KRT72: variants seen among roughly 807,000 people sequenced by gnomAD.
KRT72 encodes keratin, type II cytoskeletal 72.
A neutral mutation model predicts 44.7 loss-of-function variants in KRT72; 44 were observed. That is an observed-to-expected ratio of 0.98 (90% CI 0.77 to 1.27). The LOEUF (loss-of-function observed/expected upper bound fraction) is 1.27. KRT72 is among the 50% of genes most tolerant of loss of function. The pLI, the probability that KRT72 is intolerant of heterozygous loss-of-function variation, is 0.00. For missense variants in KRT72, 736 were observed against 667.1 expected, an observed-to-expected ratio of 1.10 and a Z score of -1.14; for synonymous variants, 302 against 280.4, an observed-to-expected ratio of 1.08 and a Z score of -0.77.
In KRT72 at chr12:52,586,895, G is replaced by A. The variant is rs370291628; in HGVS notation, c.1345+51C>T. ...TTTGTGTCATGAATTAAAGGGACTC[G>A]GACTTCTGGTAAGGTGACCAAGGGC... On this transcript the variant is annotated intron_variant, in intron 8 of 8. Coordinates refer to ENST00000293745, the MANE Select transcript of KRT72 (RefSeq NM_080747.3). 1.5e-4 allele frequency: 238 copies of A among 1,545,354 alleles called. No individual in the cohort carries two copies. The African/African-American group carries it at 2.4e-3, about 16-fold the overall frequency.
At chr12:52,591,346 G>T (rs1940010854) in intron 5 of KRT72, 118 bp downstream of exon 5, 2 of 1,112,046 alleles carry the variant, frequency 1.8e-6, no homozygotes, top group South Asian at 1.8e-5. Flanking sequence ...AGGAGGTCTT[G>T]ACTGAGCCCA....
chr12:52,590,784 C>G, intron 6 of KRT72, 52 bp downstream of exon 6: 1 of 1,513,744 alleles, frequency 6.6e-7, no homozygotes, highest in Non-Finnish European at 9.0e-7. Flanking sequence ...TCTGTCTGGC[C>G]CAGATTGTGA....
In KRT72 at chr12:52,598,971, G is replaced by C. The variant is rs1003831569; in HGVS notation, c.568C>G (p.Leu190Val). ...ISNLQKQLEM[L>V]SGDGVRLDSE... ...TCCAGCCTCACCCCGTCCCCAGACA[G>C]CATCTCCAGCTGCTTCTGCAGGTTG... The change falls in exon 2 of 9, where the codon CTG (leucine) becomes GTG (valine). Residue 190 changes from leucine (L) to valine (V), a missense_variant. Transcript: ENST00000293745. 1.2e-6 allele frequency: 2 copies of C among 1,614,090 alleles called. No individual in the cohort carries two copies. Among genetic ancestry groups the C allele is most frequent in the African/African-American group, 2.7e-5 (2 of 74,922 alleles).
chr12:52,596,318 T>A (rs1940224000), intron 2 of KRT72, among the ~76,000 whole-genome samples: 1 of 152,134 alleles, frequency 6.6e-6, no homozygotes, highest in Non-Finnish European at 1.5e-5. Flanking sequence ...AGGACTAGAA[T>A]CCTATCTCAG....
Position 52,589,037 on chromosome 12 carries a change from A to C in KRT72, c.1090-1186T>G, listed in dbSNP as rs574126800. On this transcript the variant is annotated intron_variant, in intron 6 of 8. Transcript: ENST00000293745. ...ATATATTAATTAATTAATTAATTAA[A>C]GAAGATAGCTTTGCATAACTGCAGC... Among the ~76,000 whole-genome samples the C allele has an allele frequency of 3.0e-3, 460 of 152,120 alleles. 2 individuals carry two copies. Among genetic ancestry groups the C allele is most frequent in the African/African-American group, 0.01 (430 of 41,486 alleles).
chr12:52,598,368 G>A (rs982248159), intron 2 of KRT72, among the ~76,000 whole-genome samples: 3 of 152,146 alleles, frequency 2.0e-5, no homozygotes, highest in African/African-American at 7.2e-5. Flanking sequence ...AAAATATCAG[G>A]TCACACTGAG....
At chr12:52,601,632 T>C (rs1940468888), upstream of KRT72, 2 of 612,078 alleles carry the variant, frequency 3.3e-6, no homozygotes, top group Non-Finnish European at 2.8e-6. Context: ...GAAATTACCA[T>C]GCACTCACCG....
Position 52,585,732 on chromosome 12 carries a change from T to G in KRT72, c.*250A>C. The G allele has an allele frequency of 2.2e-6, 1 of 457,390 alleles. No individual in the cohort carries two copies. The highest frequency in any genetic ancestry group is 3.7e-5 in the East Asian group (1 of 26,748). The allele number at this position is 457,390 out of a possible 1,614,324, so 28.3% of individuals were successfully genotyped here. On this transcript the variant is annotated 3_prime_UTR_variant, in exon 9 of 9. Transcript: ENST00000293745. ...GCTGGCCTTGGGGAAACATCCTGGGTAAGTGTTGTCTTTGCATTTCAGGCA... is the reference window on the plus strand; with the variant it reads ...GCTGGCCTTGGGGAAACATCCTGGGGAAGTGTTGTCTTTGCATTTCAGGCA...
At position 52,601,372 on chromosome 12, in the gene KRT72, G is replaced by T. The variant is rs567847444; in HGVS notation, c.81C>A (p.Ile27=). ...CCCGGAATGAGGCGGAGCTGCTGCC[G>T]ATCCCGCCAGAGAGGACCGCGGAGC... is the stretch of plus-strand genomic sequence containing the variant. The part of the protein sequence containing the change: ...SGCSAVLSGG[I]GSSSASFRAR... Residue 27 remains isoleucine, a synonymous_variant, in exon 1 of 9, where the codon ATC becomes ATA. Transcript: ENST00000293745. 14 of 1,543,034 alleles carry T rather than the reference G, an allele frequency of 9.1e-6. No individual in the cohort carries two copies. The East Asian group carries it at 3.2e-4, about 35-fold the overall frequency.
Position 52,598,938 on chromosome 12 carries a change from G to C in KRT72, c.601C>G (p.Leu201Val). ...TCCACCAAATCCTGCATGTTCCTCA[G>C]CTCCGAATCCAGCCTCACCCCGTCC... ...SGDGVRLDSE[L>V]RNMQDLVEDY... Residue 201 changes from leucine (L) to valine (V), a missense_variant, in exon 2 of 9, where the codon CTG becomes GTG. Leu to Val is a conservative substitution (Grantham distance 32). Transcript: ENST00000293745. 6.2e-7 allele frequency: 1 copy of C among 1,614,146 alleles called. No homozygotes were observed. Among genetic ancestry groups the C allele is most frequent in the South Asian group, 1.1e-5 (1 of 91,080 alleles).
Position 52,601,120 on chromosome 12 carries a change from G to T in KRT72, c.333C>A (p.Asn111Lys), listed in dbSNP as rs1045648129. ...TCTGGATCTCGGGGTCCATCTCCAC[G>T]TTGAGCGGGGCCAGGAGGCTCTTGT... ...TVNKSLLAPL[N>K]VEMDPEIQRV... Residue 111 changes from asparagine (N) to lysine (K), a missense_variant, in exon 1 of 9, where the codon AAC becomes AAA. By Grantham distance (94) the Asn-to-Lys change is moderately conservative. Coordinates refer to ENST00000293745, the MANE Select transcript of KRT72 (RefSeq NM_080747.3). 2 of 1,613,106 alleles carry T rather than the reference G, an allele frequency of 1.2e-6. No individual in the cohort carries two copies. Among genetic ancestry groups the T allele is most frequent in the East Asian group, 2.2e-5 (1 of 44,836 alleles).
At chr12:52,600,931 A>AC in intron 1 of KRT72, 96 bp downstream of exon 1, 1 of 1,359,484 alleles carries the variant, frequency 7.4e-7, no homozygotes. Context: ...AGAGGTTATG[A>AC]CCCGCCCACG....
At chr12:52,602,070 G>A (rs1198341522), upstream of KRT72, among the ~76,000 whole-genome samples, 1 of 152,202 alleles carries the variant, frequency 6.6e-6, no homozygotes, top group East Asian at 1.9e-4. Context: ...GCAGGACACA[G>A]AGACCTCTGG....
In KRT72 at chr12:52,591,062, G is replaced by A. The variant is rs967210563; in HGVS notation, c.964-101C>T. On this transcript the variant is annotated intron_variant, in intron 5 of 8. Coordinates refer to ENST00000293745, the MANE Select transcript of KRT72 (RefSeq NM_080747.3). ...AAAGGATCCTGCCCTAGTTCAACAA[G>A]ATCCTCAGGTTCTCAAACATGAGAG... The A allele has an allele frequency of 3.4e-6, 4 of 1,186,080 alleles. No individual in the cohort carries two copies. The African/African-American group carries it at 6.1e-5, about 18-fold the overall frequency. The allele number at this position is 1,186,080 out of a possible 1,614,324, so 73.5% of individuals were successfully genotyped here.
At position 52,586,052 on chromosome 12, in the gene KRT72, C is replaced by A. The variant is rs747718760; in HGVS notation, c.1466G>T (p.Gly489Val). 1.2e-6 allele frequency: 2 copies of A among 1,614,212 alleles called. No homozygotes were observed. The highest frequency in any genetic ancestry group is 1.7e-5 in the Admixed American group (1 of 60,034). Reference sequence around the variant, plus strand: ...GGCAAGGGGATCCTTGAGCTCACTGCCACAGCTGCCTTTGGTCTTGACGTC... The same window carrying A: ...GGCAAGGGGATCCTTGAGCTCACTGACACAGCTGCCTTTGGTCTTGACGTC... Reference protein sequence around the residue: ...AADVKTKGSCGSELKDPLAKT... With the variant: ...AADVKTKGSCVSELKDPLAKT... Residue 489 changes from glycine to valine, a missense_variant, in exon 9 of 9, where the codon GGC becomes GTC. Coordinates refer to ENST00000293745, the MANE Select transcript of KRT72 (RefSeq NM_080747.3).
intron 3 of KRT72, 97 bp from the exon 4 acceptor site, chr12:52,592,588 C>G (rs1940083813): frequency 1.1e-6 from 1 of 894,956 alleles, no homozygotes; most frequent in Non-Finnish European, 1.8e-6. Context: ...TCTCCCTTCA[C>G]CCTGTGCTTC....
intron 4 of KRT72, 29 bp downstream of exon 4, chr12:52,592,367 C>T (rs763314058): frequency 1.4e-5 from 21 of 1,478,626 alleles, no homozygotes; most frequent in Non-Finnish European, 1.4e-5. Context: ...AGGAGCAGAT[C>T]TCACAAGAGA....
intron 2 of KRT72, among the ~76,000 whole-genome samples, chr12:52,594,932 A>G (rs938854437): frequency 6.6e-6 from 1 of 152,216 alleles, no homozygotes; most frequent in Non-Finnish European, 1.5e-5. Flanking sequence ...AGATAACTGA[A>G]ACCTTTTAAT....
In KRT72 at chr12:52,598,915, C is replaced by T; in HGVS notation, c.624G>A (p.Val208=). Residue 208 remains valine, a synonymous_variant, in exon 2 of 9, where the codon GTG becomes GTA. Transcript: ENST00000293745. ...DSELRNMQDL[V]EDYKKRYEVE... ...TCACTCACCTCTTCTTGTAGTCCTC[C>T]ACCAAATCCTGCATGTTCCTCAGCT... The T allele has an allele frequency of 6.2e-7, 1 of 1,614,148 alleles. No homozygotes were observed.
Sources: allele counts gnomAD v4.1 joint callset (sites outside exome capture counted in the v4.1 genomes callset), GRCh38; gene constraint gnomAD v4.1.1; transcripts MANE v1.5; gene names NCBI Gene and HGNC (gene_info 2026-07-23, HGNC 2026-07-21).